The following ARFGEF2 variants were observed in gnomAD, a reference collection of about 807,000 sequenced individuals.
ARFGEF2 encodes brefeldin A-inhibited guanine nucleotide-exchange protein 2.
In ARFGEF2, 74 loss-of-function variants were observed where a neutral mutation model predicts 219.9. The ratio of observed to expected loss-of-function variants is 0.34; its 90% CI spans 0.28 to 0.41. The LOEUF (loss-of-function observed/expected upper bound fraction) is 0.41. Ranked by LOEUF, ARFGEF2 falls within the 10% of genes least tolerant of loss-of-function variation. The pLI is 1.00. For missense variants in ARFGEF2, 1,743 were observed against 2,218.3 expected (o/e 0.79, Z 4.30); for synonymous variants, 733 against 799.2 (o/e 0.92, Z 1.40).
chr20:49,017,590 T>C, intron 33 of ARFGEF2, 40 bp downstream of exon 33: 1 of 1,607,226 alleles, frequency 6.2e-7, no homozygotes, highest in Non-Finnish European at 8.5e-7. Flanking sequence ...TTTTCTTTTT[T>C]CTATCTTAGT....
intron 1 of ARFGEF2, among the ~76,000 whole-genome samples, chr20:48,938,877 AC>A (rs2123307864): frequency 6.6e-6 from 1 of 151,172 alleles, no homozygotes; most frequent in East Asian, 1.9e-4. Context: ...CTTTGATCTT[AC>A]ACCCACCGTG....
chr20:49,014,179 C>A (rs1414872272), intron 30 of ARFGEF2, among the ~76,000 whole-genome samples: 1 of 152,006 alleles, frequency 6.6e-6, no homozygotes, highest in East Asian at 1.9e-4. Context: ...GGAAATACAT[C>A]TCTGTGGTCT....
At chr20:48,996,447 T>TC in intron 23 of ARFGEF2, among the ~76,000 whole-genome samples, 1 of 115,610 alleles carries the variant, frequency 8.6e-6, no homozygotes, top group Non-Finnish European at 1.7e-5. Context: ...AGAGTGAGAC[T>TC]CCATCTGCAA....
intron 28 of ARFGEF2, among the ~76,000 whole-genome samples, chr20:49,013,047 A>C (rs930153914): frequency 6.6e-6 from 1 of 152,186 alleles, no homozygotes; most frequent in Non-Finnish European, 1.5e-5. Context: ...GAAGCTCTTG[A>C]TGCCTCAGTT....
At chr20:48,952,937 C>CT (rs2091080447) in intron 5 of ARFGEF2, 53 bp downstream of exon 5, 13 of 1,583,726 alleles carry the variant, frequency 8.2e-6, no homozygotes, top group South Asian at 1.1e-5. Context: ...TCTCTGAACT[C>CT]TATCATGTGT....
In ARFGEF2 at chr20:48,952,672, C is replaced by G. The variant is rs987184158; in HGVS notation, c.424-33C>G. On this transcript the variant is annotated intron_variant, in intron 4 of 38. Coordinates refer to ENST00000371917, the MANE Select transcript of ARFGEF2 (RefSeq NM_006420.3). ...GGAGGGCAGGAAGGTGATGTGCGTT[C>G]CTGATGGTGAAGGTCGCGGATTTCT... is the stretch of plus-strand genomic sequence containing the variant. The G allele has an allele frequency of 2.5e-6, 4 of 1,612,572 alleles. No homozygotes were observed. In the African/African-American group the frequency reaches 5.3e-5, roughly 21 times the overall value.
chr20:48,975,965 G>A, intron 13 of ARFGEF2, 51 bp from the exon 14 acceptor site: 1 of 1,604,214 alleles, frequency 6.2e-7, no homozygotes, highest in Non-Finnish European at 8.5e-7. Context: ...GCTCGGCTGT[G>A]TCTGTGTCCC....
chr20:49,012,090 T>C lies in ARFGEF2; in HGVS notation c.3918+6T>C. 6.2e-7 allele frequency: 1 copy of C among 1,614,114 alleles called. No individual in the cohort carries two copies. The highest frequency in any genetic ancestry group is 1.1e-5 in the South Asian group (1 of 91,080). On this transcript the variant is annotated splice_donor_region_variant and intron_variant, in intron 28 of 38. Transcript: ENST00000371917. ...ACGTCTCTGAGAGGCCTCGGGTTCG[T>C]TTTTCCCCACCTTACTCAGATGGGC... is the stretch of plus-strand genomic sequence containing the variant.
chr20:48,984,862 C>T (rs368617988), intron 15 of ARFGEF2, 22 bp downstream of exon 15: 62 of 1,612,092 alleles, frequency 3.8e-5, no homozygotes, highest in Non-Finnish European at 5.2e-5. Context: ...GGGTGTAGCA[C>T]TTGCATGTGA....
intron 22 of ARFGEF2, among the ~76,000 whole-genome samples, chr20:48,995,267 G>A (rs2091379272): frequency 6.6e-6 from 1 of 152,202 alleles, no homozygotes; most frequent in Non-Finnish European, 1.5e-5. Flanking sequence ...CAAGCCCTAA[G>A]CCATCCAACT....
intron 35 of ARFGEF2, 122 bp from the exon 36 acceptor site, chr20:49,025,189 AAT>A (rs2091594149): frequency 8.2e-6 from 8 of 975,472 alleles, no homozygotes; most frequent in Non-Finnish European, 1.3e-5. Context: ...GGTGTTGGGG[AAT>A]AAGTGTGTCT....
chr20:49,034,152 T>TG lies in ARFGEF2; in HGVS notation c.*954dup, dbSNP rs1473136434. On this transcript the variant is annotated 3_prime_UTR_variant, in exon 39 of 39. Coordinates refer to ENST00000371917, the MANE Select transcript of ARFGEF2 (RefSeq NM_006420.3). ...TGAGTGTACTGGCAGTTAGTGTCAC[T>TG]GCTTTGCACAGTCCCCATTAAAGGA... 6.6e-6 allele frequency: 1 copy of TG among 152,220 alleles called. No individual in the cohort carries two copies. Among genetic ancestry groups the TG allele is most frequent in the African/African-American group, 2.4e-5 (1 of 41,452 alleles). The allele number at this position is 152,220 out of a possible 1,614,324, so 9.4% of individuals were successfully genotyped here.
In ARFGEF2 at chr20:49,017,477, TC is replaced by T; in HGVS notation, c.4455-18del. 1 of 1,613,120 alleles carries T rather than the reference TC, an allele frequency of 6.2e-7. No individual in the cohort carries two copies. The highest frequency in any genetic ancestry group is 8.5e-7 in the Non-Finnish European group (1 of 1,179,610). On this transcript the variant is annotated intron_variant, in intron 32 of 38. Transcript: ENST00000371917. ...TGCCTTTCACATTGATTATTTTTTT[TC>T]TCTATTTTTTTCTTCAGTTTGCTGA...
chr20:49,031,917 C>CAAA, intron 37 of ARFGEF2, 132 bp from the exon 38 acceptor site: 3 of 688,948 alleles, frequency 4.4e-6, no homozygotes, highest in Non-Finnish European at 7.5e-6. Flanking sequence ...GACCCTGTCT[C>CAAA]AAAAAAAAAA....
chr20:48,950,803 A>ATAT (rs1356880687), intron 3 of ARFGEF2, among the ~76,000 whole-genome samples: 9 of 39,662 alleles, frequency 2.3e-4, no homozygotes, highest in Non-Finnish European at 1.5e-4. Context: ...CTAAAAAAAA[A>ATAT]AAAAAAAAAT....
chr20:48,935,929 CGG>C (rs2090947909), intron 1 of ARFGEF2, among the ~76,000 whole-genome samples: 2 of 98,526 alleles, frequency 2.0e-5, no homozygotes, highest in Admixed American at 9.9e-5. Flanking sequence ...CCGCATGGGG[CGG>C]CTGGCCGGGG....
At position 49,036,612 on chromosome 20, in the gene ARFGEF2, C is replaced by T. The variant is rs944456003; in HGVS notation, c.*3413C>T. The T allele has an allele frequency of 5.8e-6, 1 of 172,054 alleles. No homozygotes were observed. Among genetic ancestry groups the T allele is most frequent in the African/African-American group, 2.4e-5 (1 of 42,292 alleles). 10.7% of individuals were successfully genotyped at this position (172,054 alleles called of 1,614,324 possible). A position where few individuals can be genotyped will look rare whatever the true frequency, so the allele number is the denominator to read the frequency against. On this transcript the variant is annotated 3_prime_UTR_variant, in exon 39 of 39. Transcript: ENST00000371917. Reference sequence around the variant, plus strand: ...AATATGAAATGCTATGTAAAGTTTTCTATGTAAAAATATTATGTATAATAC... The same window carrying T: ...AATATGAAATGCTATGTAAAGTTTTTTATGTAAAAATATTATGTATAATAC...
At chr20:49,020,709 G>A (rs773022252) in intron 34 of ARFGEF2, among the ~76,000 whole-genome samples, 11 of 152,216 alleles carry the variant, frequency 7.2e-5, no homozygotes, top group Admixed American at 5.2e-4. Flanking sequence ...GCCTCCCAAA[G>A]TGTTGGGATT....
chr20:48,995,982 C>T (rs2091383546), intron 23 of ARFGEF2, 100 bp downstream of exon 23: 12 of 1,094,934 alleles, frequency 1.1e-5, no homozygotes, highest in Non-Finnish European at 1.1e-5. Flanking sequence ...TTAACTGATA[C>T]AAGTGTTGTT....
Sources: gnomAD v4.1 joint callset for allele counts (sites outside exome capture counted in the v4.1 genomes callset) on GRCh38, gnomAD v4.1.1 for gene constraint, MANE v1.5 for transcripts, NCBI Gene and HGNC (gene_info 2026-07-23, HGNC 2026-07-21) for gene names.